The following PTK7 variants were observed in gnomAD, a reference collection of about 807,000 sequenced individuals.
PTK7 encodes inactive tyrosine-protein kinase 7.
Under a neutral mutation model 116.6 loss-of-function variants are expected in PTK7, and 39 were observed. The ratio of observed to expected loss-of-function variants is 0.33; its 90% CI spans 0.26 to 0.44. The LOEUF (loss-of-function observed/expected upper bound fraction) is 0.44, where lower values mean the gene tolerates loss of function less well. PTK7 is among the 20% of genes least tolerant of loss of function. PTK7 has a pLI of 1.00. For synonymous variants in PTK7, 546 were observed against 563.6 expected (o/e 0.97, Z 0.44); for missense variants, 1,169 against 1,425.6 (o/e 0.82, Z 2.90).
Position 43,076,556 on chromosome 6 carries a change from C to G in PTK7, c.68C>G (p.Pro23Arg). 4 of 1,575,722 alleles carry G rather than the reference C, an allele frequency of 2.5e-6. No homozygotes were observed. The highest frequency in any genetic ancestry group is 3.4e-6 in the Non-Finnish European group (4 of 1,166,262). Residue 23 changes from proline to arginine, a missense_variant, in exon 1 of 20, where the codon CCG (proline) becomes CGG (arginine). By Grantham distance (103) the Pro-to-Arg change is moderately radical (BLOSUM62 -2). Coordinates refer to ENST00000230419, the MANE Select transcript of PTK7 (RefSeq NM_002821.5). The surrounding 1 kb of genome is among the most constrained non-coding windows in gnomAD (Gnocchi z 5.7). Reference sequence around the variant, plus strand: ...CCTCTGCTCAGCGTCCTGCTGCTGCCGCTGCTGGGCGGTGAGTACCCGAGA... The same window carrying G: ...CCTCTGCTCAGCGTCCTGCTGCTGCGGCTGCTGGGCGGTGAGTACCCGAGA... ...RLPLLSVLLLPLLGGTQTAIV... is the reference protein window; with the variant it reads ...RLPLLSVLLLRLLGGTQTAIV...
chr6:43,138,382 C>A (rs1314007834), intron 7 of PTK7, among the ~76,000 whole-genome samples: 1 of 152,074 alleles, frequency 6.6e-6, no homozygotes, highest in African/African-American at 2.4e-5. Flanking sequence ...AGATAATGTT[C>A]AAAAGGTGCT....
rs1300799137 is a variant in PTK7 at position 43,100,397 on chromosome 6, AT to A, written c.79+23831del. Among the ~76,000 whole-genome samples, 242 of 147,290 alleles carry A rather than the reference AT, an allele frequency of 1.6e-3. 1 individual carries two copies. Among genetic ancestry groups the A allele is most frequent in the Middle Eastern group, 0.014 (4 of 286 alleles). On this transcript the variant is annotated intron_variant, in intron 1 of 19. Coordinates refer to ENST00000230419, the MANE Select transcript of PTK7 (RefSeq NM_002821.5). ...GACTCCATCTCAAAAAAAAAAAAAAATCATTAGGGTTTTTTTAAAAAAAAAT... is the reference window on the plus strand; with the variant it reads ...GACTCCATCTCAAAAAAAAAAAAAAACATTAGGGTTTTTTTAAAAAAAAAT...
chr6:43,116,603 TTTG>T lies in PTK7; in HGVS notation c.80-12372_80-12370del, dbSNP rs1272257632. On this transcript the variant is annotated intron_variant, in intron 1 of 19. Coordinates refer to ENST00000230419, the MANE Select transcript of PTK7 (RefSeq NM_002821.5). ...GAGGAAGAAGGCCAGGAAAAGCTGG[TTTG>T]TGTGTGTGTGTGTGTGTGTGTGTGT... Among the ~76,000 whole-genome samples, 127 of 126,250 alleles carry T rather than the reference TTTG, an allele frequency of 1.0e-3. 1 individual carries two copies. Among genetic ancestry groups the T allele is most frequent in the African/African-American group, 3.9e-3 (122 of 31,438 alleles). The allele number at this position is 126,250 out of a possible 152,430, so 82.8% of individuals were successfully genotyped here. A position where few individuals can be genotyped will look rare whatever the true frequency, so the allele number is the denominator to read the frequency against.
chr6:43,143,485 G>C lies in PTK7; in HGVS notation c.2116G>C (p.Gly706Arg). 1 of 1,614,156 alleles carries C rather than the reference G, an allele frequency of 6.2e-7. No individual in the cohort carries two copies. The highest frequency in any genetic ancestry group is 1.1e-5 in the South Asian group (1 of 91,082). The part of the protein sequence containing the change: ...PPPYKMIQTI[G>R]LSVGAAVAYI... ...CCCCTACAAGATGATCCAGACCATT[G>C]GGTTGTCGGTGGGTGCCGCTGTGGC... The change falls in exon 14 of 20, where the codon GGG (glycine) becomes CGG (arginine). Residue 706 changes from glycine to arginine, a missense_variant. Physicochemically the swap from Gly to Arg is moderately radical, Grantham distance 125. Around this residue, in one of 3 missense-constraint regions of PTK7, gnomAD observed 678 missense variants for 853.8 expected, o/e 0.79. Transcript: ENST00000230419. This position sits in a 1 kb window ranked among gnomAD's most constrained non-coding sequence, Gnocchi z 4.2.
At chr6:43,131,676 C>T (rs780986562) in intron 5 of PTK7, 2 of 341,472 alleles carry the variant, frequency 5.9e-6, no homozygotes, top group Non-Finnish European at 1.1e-5. Flanking sequence ...CCACTGGGTC[C>T]CTCCCACAAC....
intron 17 of PTK7, among the ~76,000 whole-genome samples, chr6:43,155,880 C>T (rs1771396618): frequency 6.6e-6 from 1 of 152,074 alleles, no homozygotes. Flanking sequence ...TAAAAGTGTT[C>T]ATAATAACGC....
intron 1 of PTK7, among the ~76,000 whole-genome samples, chr6:43,082,942 G>C (rs1406653085): frequency 6.6e-6 from 1 of 152,186 alleles, no homozygotes; most frequent in African/African-American, 2.4e-5. Context: ...GCATGTCTCC[G>C]CTGGGCTTTG....
At chr6:43,116,706 G>T (rs1768570531) in intron 1 of PTK7, among the ~76,000 whole-genome samples, 1 of 151,684 alleles carries the variant, frequency 6.6e-6, no homozygotes, top group African/African-American at 2.4e-5. Context: ...AGGTTCTGAG[G>T]ATACCCAGAG....
Position 43,077,074 on chromosome 6 carries a change from C to T in PTK7, c.79+507C>T, listed in dbSNP as rs1582038837. The T allele has an allele frequency of 8.7e-6, 11 of 1,263,668 alleles. 1 individual carries two copies. The East Asian group carries it at 3.0e-4, about 35-fold the overall frequency. The allele number at this position is 1,263,668 out of a possible 1,614,324, so 78.3% of individuals were successfully genotyped here. ...TTGTTACCTACGCCGACCCGACGTT[C>T]CCGGCTTCCCTCCTCCGAGTTCCTG... On this transcript the variant is annotated intron_variant, in intron 1 of 19. Transcript: ENST00000230419.
At position 43,139,204 on chromosome 6, in the gene PTK7, A is replaced by G. The variant is rs763772683; in HGVS notation, c.1431A>G (p.Thr477=). 6.2e-7 allele frequency: 1 copy of G among 1,614,218 alleles called. No homozygotes were observed. Among genetic ancestry groups the G allele is most frequent in the Non-Finnish European group, 8.5e-7 (1 of 1,180,036 alleles). ...RINSVEVYDG[T]WYRCMSSTPA... is the part of the protein sequence containing the mutation. ...ACAGCGTGGAGGTGTATGATGGGAC[A>G]TGGTACCGTTGTATGAGCAGCACCC... Residue 477 remains threonine (T), a synonymous_variant, in exon 9 of 20, where the codon ACA becomes ACG. Transcript: ENST00000230419. The surrounding 1 kb of genome is among the most constrained non-coding windows in gnomAD (Gnocchi z 4.6).
chr6:43,113,435 A>G (rs928215116), intron 1 of PTK7, among the ~76,000 whole-genome samples: 2 of 152,198 alleles, frequency 1.3e-5, no homozygotes, highest in Non-Finnish European at 2.9e-5. Context: ...TCCATCTCAA[A>G]AAAAAAAAGT....
intron 1 of PTK7, among the ~76,000 whole-genome samples, chr6:43,101,033 G>C (rs151036934): frequency 6.7e-6 from 1 of 148,990 alleles, no homozygotes; most frequent in Non-Finnish European, 1.5e-5. Flanking sequence ...CAGAGTTCGA[G>C]ACCAGCCTGA....
At position 43,131,753 on chromosome 6, in the gene PTK7, C is replaced by T. The variant is rs1769694358; in HGVS notation, c.813-263C>T. ...GTGGGGACACAGCCAAACCATATCA[C>T]TCTCTCTCGCACCTGCATTGCCATT... On this transcript the variant is annotated intron_variant, in intron 5 of 19. Coordinates refer to ENST00000230419, the MANE Select transcript of PTK7 (RefSeq NM_002821.5). The T allele has an allele frequency of 2.3e-5, 12 of 515,792 alleles. No homozygotes were observed. The South Asian group carries it at 2.5e-4, about 11-fold the overall frequency. The allele number at this position is 515,792 out of a possible 1,614,324, so 32.0% of individuals were successfully genotyped here. A position where few individuals can be genotyped will look rare whatever the true frequency, so the allele number is the denominator to read the frequency against.
At position 43,160,842 on chromosome 6, in the gene PTK7, C is replaced by T. The variant is rs147453640; in HGVS notation, c.3174C>T (p.Ala1058=). The T allele has an allele frequency of 3.1e-6, 5 of 1,614,002 alleles. No individual in the cohort carries two copies. In the African/African-American group the frequency reaches 5.3e-5, roughly 17 times the overall value. The change falls in exon 20 of 20, where the codon GCC becomes GCT. Residue 1058 remains alanine, a synonymous_variant. Coordinates refer to ENST00000230419, the MANE Select transcript of PTK7 (RefSeq NM_002821.5). ...ACCGGCCCTCCTTCAGTGAGATTGC[C>T]AGCGCCCTGGGAGACAGCACCGTGG... ...PKDRPSFSEI[A]SALGDSTVDS...
intron 17 of PTK7, among the ~76,000 whole-genome samples, chr6:43,151,504 G>C (rs535844959): frequency 6.8e-6 from 1 of 147,138 alleles, no homozygotes; most frequent in Non-Finnish European, 1.5e-5. Context: ...GAGGCACCGC[G>C]CCCAAGCCCC....
At position 43,144,545 on chromosome 6, in the gene PTK7, C is replaced by T. The variant is rs772462272; in HGVS notation, c.2346C>T (p.Arg782=). 6.5e-5 allele frequency: 105 copies of T among 1,614,070 alleles called. No individual in the cohort carries two copies. In the East Asian group the frequency reaches 7.6e-4, roughly 12 times the overall value. Residue 782 remains arginine (R), a synonymous_variant, in exon 15 of 20, where the codon CGC becomes CGT. Coordinates refer to ENST00000230419, the MANE Select transcript of PTK7 (RefSeq NM_002821.5). The part of the protein sequence containing the change: ...LGSGPAATNK[R]HSTSDKMHFP... ...CCGGCCCCGCGGCCACCAACAAACG[C>T]CACAGCACAAGTGATAAGATGCACT... is the stretch of plus-strand genomic sequence containing the variant.
intron 1 of PTK7, among the ~76,000 whole-genome samples, chr6:43,104,182 T>C (rs374461956): frequency 6.6e-6 from 1 of 152,110 alleles, no homozygotes. Context: ...AATTACAAAA[T>C]AATAATAAGG....
At chr6:43,155,110 C>G (rs1012706694) in intron 17 of PTK7, among the ~76,000 whole-genome samples, 1 of 152,196 alleles carries the variant, frequency 6.6e-6, no homozygotes, top group African/African-American at 2.4e-5. Context: ...GGCTGCAGCC[C>G]CCCATCAAGA....
At position 43,145,391 on chromosome 6, in the gene PTK7, G is replaced by A. The variant is rs752953806; in HGVS notation, c.2599G>A (p.Glu867Lys). The A allele has an allele frequency of 3.7e-6, 6 of 1,610,524 alleles. No individual in the cohort carries two copies. Among genetic ancestry groups the A allele is most frequent in the Non-Finnish European group, 2.5e-6 (3 of 1,177,996 alleles). ...NVVRLLGLCR[E>K]AEPHYMVLEY... ...GGTGCGGCTCCTGGGGCTGTGCCGGGAGGCTGAGCCCCACTACATGGTGCT... is the reference window on the plus strand; with the variant it reads ...GGTGCGGCTCCTGGGGCTGTGCCGGAAGGCTGAGCCCCACTACATGGTGCT... Residue 867 changes from glutamate to lysine, a missense_variant, in exon 16 of 20, where the codon GAG becomes AAG. Around this residue, in one of 3 missense-constraint regions of PTK7, gnomAD observed 678 missense variants for 853.8 expected, o/e 0.79. Coordinates refer to ENST00000230419, the MANE Select transcript of PTK7 (RefSeq NM_002821.5). The surrounding 1 kb of genome is among the most constrained non-coding windows in gnomAD (Gnocchi z 4.8).
Sources: allele counts gnomAD v4.1 joint callset (sites outside exome capture counted in the v4.1 genomes callset), GRCh38; gene constraint gnomAD v4.1.1; regional missense constraint gnomAD v4.1.1; non-coding constraint Gnocchi (gnomAD v3.1); transcripts MANE v1.5; gene names NCBI Gene and HGNC (gene_info 2026-07-23, HGNC 2026-07-21).